SCFD1: variants seen among roughly 807,000 people sequenced by gnomAD.
SCFD1 encodes sec1 family domain containing 1.
In SCFD1, 37 loss-of-function variants were observed where a neutral mutation model predicts 103.2. The observed-to-expected ratio is 0.36, with a 90% CI of 0.28 to 0.47. SCFD1 has a LOEUF of 0.47. Among genes scored for constraint, SCFD1 ranks in the 20% least tolerant of loss-of-function variants. SCFD1 has a pLI of 1.00. For missense variants in SCFD1, 639 were observed against 761.2 expected (o/e 0.84, Z 1.89); for synonymous variants, 264 against 245.0 (o/e 1.08, Z -0.73).
chr14:30,734,472 G>T (rs1000072306), intron 23 of SCFD1: 48 of 325,580 alleles, frequency 1.5e-4, no homozygotes, highest in Non-Finnish European at 2.2e-4. Flanking sequence ...GAAGAATGTT[G>T]TTCTAAGATT....
rs1356292657 is a variant in SCFD1 at position 30,703,953 on chromosome 14, AT to A, written c.1490+1579del. On this transcript the variant is annotated intron_variant, in intron 17 of 24. Coordinates refer to ENST00000458591, the MANE Select transcript of SCFD1 (RefSeq NM_016106.4). ...TATATATATATATATATATATATAT[AT>A]ATATATATAAATAATGAGATATCTT... Among the ~76,000 whole-genome samples the A allele has an allele frequency of 1.2e-4, 7 of 57,416 alleles. No individual in the cohort carries two copies. The South Asian group carries it at 1.5e-3, about 12-fold the overall frequency. 37.7% of individuals were successfully genotyped at this position (57,416 alleles called of 152,430 possible). A position where few individuals can be genotyped will look rare whatever the true frequency, so the allele number is the denominator to read the frequency against.
chr14:30,628,963 T>C (rs1262371606), intron 2 of SCFD1, among the ~76,000 whole-genome samples: 1 of 152,174 alleles, frequency 6.6e-6, no homozygotes, highest in African/African-American at 2.4e-5. Flanking sequence ...GTCCTTTGGG[T>C]TAACTCTAAA....
intron 10 of SCFD1, among the ~76,000 whole-genome samples, chr14:30,658,921 TA>T (rs1887170850): frequency 6.6e-6 from 1 of 152,188 alleles, no homozygotes. Context: ...GTCAAAAGTG[TA>T]ATGTAAACTT....
In SCFD1 at chr14:30,673,252, T is replaced by C; in HGVS notation, c.996-5T>C. ...CCTCATAGTTCTTGTGCAATACTGT[T>C]TTAGTCCATTCCCAGAAGTTGCAGA... On this transcript the variant is annotated splice_polypyrimidine_tract_variant and splice_region_variant and intron_variant, in intron 11 of 24. Coordinates refer to ENST00000458591, the MANE Select transcript of SCFD1 (RefSeq NM_016106.4). 1 of 1,553,104 alleles carries C rather than the reference T, an allele frequency of 6.4e-7. No homozygotes were observed. Among genetic ancestry groups the C allele is most frequent in the Non-Finnish European group, 8.8e-7 (1 of 1,134,718 alleles).
Position 30,650,620 on chromosome 14 carries a change from C to T in SCFD1, c.725C>T (p.Thr242Ile). 6.2e-7 allele frequency: 1 copy of T among 1,608,472 alleles called. No homozygotes were observed. The highest frequency in any genetic ancestry group is 8.5e-7 in the Non-Finnish European group (1 of 1,175,410). ...NLRDARNSLF[T>I]GDTLGAGQFS... Reference sequence around the variant, plus strand: ...AGAGATGCAAGAAACAGTCTTTTTACAGGTGATACACTTGGAGCTGGCCAA... The same window carrying T: ...AGAGATGCAAGAAACAGTCTTTTTATAGGTGATACACTTGGAGCTGGCCAA... The change falls in exon 9 of 25, where the codon ACA (threonine) becomes ATA (isoleucine). Residue 242 changes from threonine to isoleucine, a missense_variant. Physicochemically the swap from Thr to Ile is moderately conservative, Grantham distance 89. Transcript: ENST00000458591.
intron 14 of SCFD1, chr14:30,676,112 G>C (rs180947015): frequency 5.0e-4 from 76 of 152,314 alleles, no homozygotes; most frequent in African/African-American, 1.6e-3. Flanking sequence ...ATTGTCTCTT[G>C]TGGAGGTGAT....
chr14:30,673,416 G>A, intron 12 of SCFD1, 69 bp downstream of exon 12: 2 of 814,922 alleles, frequency 2.5e-6, no homozygotes, highest in Non-Finnish European at 3.7e-6. Flanking sequence ...AAGAGATTTG[G>A]GTTTTTTTCC....
chr14:30,724,245 G>GT (rs58612669), intron 23 of SCFD1, among the ~76,000 whole-genome samples: 2,283 of 69,678 alleles, frequency 0.033, 346 homozygotes, highest in East Asian at 0.061. Context: ...TTTTTTATGG[G>GT]TTTTTTTTTT....
chr14:30,661,872 A>G (rs575769312), intron 10 of SCFD1, among the ~76,000 whole-genome samples: 4 of 152,284 alleles, frequency 2.6e-5, no homozygotes, highest in East Asian at 1.9e-4. Context: ...CCTAAATCCA[A>G]TTGAAACTGT....
At chr14:30,634,660 A>G in intron 4 of SCFD1, 1 of 368,194 alleles carries the variant, frequency 2.7e-6, no homozygotes, top group South Asian at 2.1e-5. Flanking sequence ...CTTTTCTAAA[A>G]TAAGGGTGAG....
chr14:30,680,779 C>G (rs1889405294), intron 14 of SCFD1, among the ~76,000 whole-genome samples: 1 of 152,036 alleles, frequency 6.6e-6, no homozygotes, highest in Non-Finnish European at 1.5e-5. Context: ...ATAAAAATAA[C>G]AAAAAATAGA....
rs1884373845 is a variant in SCFD1 at position 30,633,302 on chromosome 14, G to A, written c.222-645G>A. On this transcript the variant is annotated intron_variant, in intron 3 of 24. Transcript: ENST00000458591. Reference sequence around the variant, plus strand: ...ATTCCTCATATAAGCATGGTTTGATGTTGGGATATTTGTATGGAAATTGTT... The same window carrying A: ...ATTCCTCATATAAGCATGGTTTGATATTGGGATATTTGTATGGAAATTGTT... 1.3e-5 allele frequency among the ~76,000 whole-genome samples: 2 copies of A among 152,174 alleles called. 1 individual carries two copies. The highest frequency in any genetic ancestry group is 4.1e-4 in the South Asian group (2 of 4,834).
chr14:30,712,607 T>G (rs1891964997), intron 19 of SCFD1, among the ~76,000 whole-genome samples: 1 of 152,184 alleles, frequency 6.6e-6, no homozygotes, highest in African/African-American at 2.4e-5. Flanking sequence ...ACTAAAATCA[T>G]AAAACACGAC....
intron 11 of SCFD1, among the ~76,000 whole-genome samples, chr14:30,671,523 T>C (rs1888540140): frequency 6.6e-6 from 1 of 152,130 alleles, no homozygotes; most frequent in South Asian, 2.1e-4. Context: ...TATTCAAATA[T>C]GGAAATTTTG....
chr14:30,664,788 A>G (rs230353), intron 10 of SCFD1, among the ~76,000 whole-genome samples: 74,948 of 151,962 alleles, frequency 0.49, 21,490 homozygotes, highest in African/African-American at 0.79. Flanking sequence ...TGGAAGAAAG[A>G]GTATCAATGA....
chr14:30,704,569 C>G (rs931296443), intron 17 of SCFD1, among the ~76,000 whole-genome samples: 9 of 152,116 alleles, frequency 5.9e-5, no homozygotes, highest in African/African-American at 1.9e-4. Context: ...ACTGCTGATT[C>G]ACATCATCCT....
At chr14:30,732,334 G>A (rs898451532) in intron 23 of SCFD1, among the ~76,000 whole-genome samples, 24 of 152,272 alleles carry the variant, frequency 1.6e-4, no homozygotes, top group Non-Finnish European at 3.4e-4. Context: ...AATAGAAGAG[G>A]CAAGAGCAGA....
intron 19 of SCFD1, among the ~76,000 whole-genome samples, chr14:30,708,523 AC>A (rs1891638187): frequency 9.2e-6 from 1 of 108,808 alleles, no homozygotes; most frequent in African/African-American, 6.4e-5. Flanking sequence ...GTAATTTTAT[AC>A]TTTTTTAAAA....
intron 7 of SCFD1, among the ~76,000 whole-genome samples, chr14:30,644,713 C>T (rs1047931988): frequency 1.3e-5 from 2 of 151,856 alleles, no homozygotes; most frequent in Non-Finnish European, 2.9e-5. Context: ...TTTTGCTTGT[C>T]GATTTGTTTA....
Sources: gnomAD v4.1 joint callset for allele counts (sites outside exome capture counted in the v4.1 genomes callset) on GRCh38, gnomAD v4.1.1 for gene constraint, MANE v1.5 for transcripts, NCBI Gene and HGNC (gene_info 2026-07-23, HGNC 2026-07-21) for gene names.